The following ATP5MC2 variants were observed in gnomAD, a reference collection of about 807,000 sequenced individuals.
ATP5MC2 encodes ATP synthase F(0) complex subunit C2, mitochondrial.
Under a neutral mutation model 13.5 loss-of-function variants are expected in ATP5MC2, and 11 were observed. The observed-to-expected ratio is 0.81, with a 90% CI of 0.51 to 1.35. The LOEUF (loss-of-function observed/expected upper bound fraction) is 1.35, where lower values mean the gene tolerates loss of function less well. Ranked by LOEUF, ATP5MC2 falls within the 40% of genes most tolerant of loss-of-function variation. ATP5MC2 has a pLI of 0.00. For missense variants in ATP5MC2, 132 were observed against 175.0 expected, an observed-to-expected ratio of 0.75 and a Z score of 1.39; for synonymous variants, 64 against 69.7, an observed-to-expected ratio of 0.92 and a Z score of 0.41.
chr12:53,670,626 T>TTCTTTC (rs199887851), intron 2 of ATP5MC2, among the ~76,000 whole-genome samples: 12 of 148,432 alleles, frequency 8.1e-5, no homozygotes, highest in African/African-American at 2.5e-4. Context: ...CTTTCTTTCT[T>TTCTTTC]TTTTTTTTTT....
intron 4 of ATP5MC2, among the ~76,000 whole-genome samples, chr12:53,666,916 A>G (rs1944930878): frequency 6.8e-6 from 1 of 146,248 alleles, no homozygotes; most frequent in African/African-American, 2.6e-5. Context: ...ACTGCACTTC[A>G]GTCTGGGAGA....
intron 3 of ATP5MC2, 148 bp from the exon 4 acceptor site, chr12:53,669,489 T>A: frequency 7.1e-7 from 1 of 1,411,700 alleles, no homozygotes; most frequent in Non-Finnish European, 9.3e-7. Flanking sequence ...TAGAACCTTT[T>A]AACGTAGGAT....
At chr12:53,669,848 G>C (rs370229773) in intron 3 of ATP5MC2, 23 bp downstream of exon 3, 1 of 1,612,866 alleles carries the variant, frequency 6.2e-7, no homozygotes, top group Admixed American at 1.7e-5. Flanking sequence ...CAAAACCACA[G>C]TCCCAACTCC....
Position 53,665,411 on chromosome 12 carries a change from T to C in ATP5MC2, c.329A>G (p.Gln110Arg). The change falls in exon 5 of 5, where the codon CAA (glutamine) becomes CGA (arginine). Residue 110 changes from glutamine (Q) to arginine (R), a missense_variant. Transcript: ENST00000394349. ...IGYARNPSLKQQLFSYAILGF... is the reference protein window; with the variant it reads ...IGYARNPSLKRQLFSYAILGF... ...CAGAATGGCGTAGGAGAAGAGCTGT[T>C]GCTTCAGAGAAGGGTTCCTGGTAGA... The C allele has an allele frequency of 6.2e-7, 1 of 1,614,078 alleles. No homozygotes were observed. Among genetic ancestry groups the C allele is most frequent in the Non-Finnish European group, 8.5e-7 (1 of 1,179,960 alleles).
intron 2 of ATP5MC2, among the ~76,000 whole-genome samples, chr12:53,671,453 A>G (rs1331355798): frequency 6.6e-6 from 1 of 152,220 alleles, no homozygotes; most frequent in Admixed American, 6.5e-5. Context: ...CTATTTCAAA[A>G]ATTTCTTCCA....
chr12:53,680,565 C>T (rs1945335205), upstream of ATP5MC2, among the ~76,000 whole-genome samples: 1 of 152,028 alleles, frequency 6.6e-6, no homozygotes, highest in Admixed American at 6.6e-5. Flanking sequence ...CATGGTGGCT[C>T]ATGCCTGCAA....
intron 2 of ATP5MC2, among the ~76,000 whole-genome samples, chr12:53,670,947 A>G (rs1274872295): frequency 2.7e-5 from 4 of 150,826 alleles, no homozygotes; most frequent in Non-Finnish European, 4.4e-5. Context: ...TAATGAATGC[A>G]TATCATTTTT....
chr12:53,676,001 T>C, intron 1 of ATP5MC2, 52 bp downstream of exon 1: 3 of 1,594,246 alleles, frequency 1.9e-6, no homozygotes, highest in Non-Finnish European at 2.6e-6. Flanking sequence ...CAAGGTGAGG[T>C]GTCCCGCGCG....
Position 53,674,718 on chromosome 12 carries a change from G to T in ATP5MC2, c.-32+1335C>A, listed in dbSNP as rs188376865. Among the ~76,000 whole-genome samples the T allele has an allele frequency of 4.7e-3, 715 of 152,304 alleles. 4 individuals are homozygous for T. The highest frequency in any genetic ancestry group is 0.017 in the African/African-American group (692 of 41,566). ...TCCCACCTTGGCCTCCCAGTGTTGG[G>T]ATTACAGGTGTGAGCCACCACACCC... On this transcript the variant is annotated intron_variant, in intron 1 of 4. Transcript: ENST00000394349.
chr12:53,665,231 C>T lies in ATP5MC2; in HGVS notation c.*83G>A, dbSNP rs372610175. The T allele has an allele frequency of 1.2e-4, 134 of 1,091,956 alleles. No individual in the cohort carries two copies. In the East Asian group the frequency reaches 2.4e-3, roughly 20 times the overall value. 67.6% of individuals were successfully genotyped at this position (1,091,956 alleles called of 1,614,324 possible). A position where few individuals can be genotyped will look rare whatever the true frequency, so the allele number is the denominator to read the frequency against. ...CAAACCCTGAGCCAACCACGTTCCCCAGGCTGCCTGGGGAGGTATAGGAAA... is the reference window on the plus strand; with the variant it reads ...CAAACCCTGAGCCAACCACGTTCCCTAGGCTGCCTGGGGAGGTATAGGAAA... On this transcript the variant is annotated 3_prime_UTR_variant, in exon 5 of 5. Transcript: ENST00000394349.
At chr12:53,669,796 A>T (rs1447112623) in intron 3 of ATP5MC2, 75 bp downstream of exon 3, 1 of 1,479,406 alleles carries the variant, frequency 6.8e-7, no homozygotes, top group Non-Finnish European at 9.4e-7. Context: ...TCAGCATTCT[A>T]CCTCCTGGTT....
At chr12:53,676,029 G>T (rs376003666) in intron 1 of ATP5MC2, 24 bp downstream of exon 1, 3 of 1,609,738 alleles carry the variant, frequency 1.9e-6, no homozygotes, top group South Asian at 2.2e-5. Flanking sequence ...AGCGCACAGA[G>T]GGCTCTAGGT....
upstream of ATP5MC2, among the ~76,000 whole-genome samples, chr12:53,681,183 G>A (rs1945337925): frequency 6.6e-6 from 1 of 151,540 alleles, no homozygotes. Flanking sequence ...TGGGATTACA[G>A]GCATGAGCCA....
chr12:53,666,413 T>C (rs531086211), intron 4 of ATP5MC2, among the ~76,000 whole-genome samples: 2 of 152,090 alleles, frequency 1.3e-5, no homozygotes, highest in South Asian at 2.1e-4. Context: ...CTGTCTCTAC[T>C]AAAAATACAA....
chr12:53,665,208 A>G lies in ATP5MC2; in HGVS notation c.*106T>C. The G allele has an allele frequency of 1.3e-6, 1 of 781,352 alleles. No individual in the cohort carries two copies. The highest frequency in any genetic ancestry group is 2.6e-5 in the East Asian group (1 of 38,958). The allele number at this position is 781,352 out of a possible 1,614,324, so 48.4% of individuals were successfully genotyped here. On this transcript the variant is annotated 3_prime_UTR_variant, in exon 5 of 5. Coordinates refer to ENST00000394349, the MANE Select transcript of ATP5MC2 (RefSeq NM_005176.7). ...GTATTTATTTGTCTTTTCTCTGTCA[A>G]ACCCTGAGCCAACCACGTTCCCCAG... is the stretch of plus-strand genomic sequence containing the variant.
At chr12:53,666,269 C>A (rs933533574) in intron 4 of ATP5MC2, among the ~76,000 whole-genome samples, 3 of 151,866 alleles carry the variant, frequency 2.0e-5, no homozygotes, top group African/African-American at 7.3e-5. Context: ...CCTGGTGAAA[C>A]CCTGTCTCTA....
upstream of ATP5MC2, chr12:53,676,093 G>C (rs376940985): frequency 1.9e-5 from 30 of 1,614,120 alleles, no homozygotes; most frequent in Admixed American, 2.0e-4. Context: ...GCGGAGCAGC[G>C]GGAAGAGCGA....
upstream of ATP5MC2, chr12:53,676,313 A>G: frequency 6.9e-7 from 1 of 1,447,310 alleles, no homozygotes; most frequent in Non-Finnish European, 9.3e-7. Context: ...GAGTAAGCCG[A>G]TCCGTAACGT....
chr12:53,666,412 C>A (rs1361371520), intron 4 of ATP5MC2, among the ~76,000 whole-genome samples: 3 of 151,964 alleles, frequency 2.0e-5, no homozygotes, highest in African/African-American at 7.3e-5. Flanking sequence ...CCTGTCTCTA[C>A]TAAAAATACA....
Sources: gnomAD v4.1 joint callset for allele counts (sites outside exome capture counted in the v4.1 genomes callset) on GRCh38, gnomAD v4.1.1 for gene constraint, MANE v1.5 for transcripts, NCBI Gene and HGNC (gene_info 2026-07-23, HGNC 2026-07-21) for gene names.